The following COL18A1 variants were observed in gnomAD, a reference collection of about 807,000 sequenced individuals.
COL18A1 encodes the protein collagen alpha-1(XVIII) chain.
In COL18A1, 133 loss-of-function variants were observed where a neutral mutation model predicts 168.0. The observed-to-expected ratio is 0.79, with a 90% CI of 0.69 to 0.91. The LOEUF (loss-of-function observed/expected upper bound fraction) is 0.91. Ranked by LOEUF, COL18A1 falls within the 40% of genes least tolerant of loss-of-function variation. The pLI, the probability that COL18A1 is intolerant of heterozygous loss-of-function variation, is 0.00. For synonymous variants in COL18A1, 949 were observed against 809.0 expected (o/e 1.17, Z -2.94); for missense variants, 2,126 against 1,925.4 (o/e 1.10, Z -1.95).
intron 38 of COL18A1, 87 bp from the exon 39 acceptor site, chr21:45,509,269 T>C: frequency 6.6e-7 from 1 of 1,514,908 alleles, no homozygotes; most frequent in Admixed American, 2.0e-5. Context: ...GCCCAGCCCC[T>C]CTCACCCAGC....
At chr21:45,415,150 C>T (rs1242809251) in intron 2 of COL18A1, among the ~76,000 whole-genome samples, 1 of 152,154 alleles carries the variant, frequency 6.6e-6, no homozygotes, top group Admixed American at 6.5e-5. Context: ...TGTTGGTTCA[C>T]CGAAGGGGTG....
Position 45,477,889 on chromosome 21 carries a change from T to C in COL18A1, c.1145T>C (p.Leu382Ser). ...VSPLGPAGPA[L>S]QTVPGPQGPP... ...CCCCTGGGTCCTGCAGGCCCAGCGTTGCAAACTGTCCCCGGACCACAAGGA... is the reference window on the plus strand; with the variant it reads ...CCCCTGGGTCCTGCAGGCCCAGCGTCGCAAACTGTCCCCGGACCACAAGGA... Residue 382 changes from leucine to serine, a missense_variant, in exon 8 of 42, where the codon TTG (leucine) becomes TCG (serine). Leu to Ser is a moderately radical substitution (Grantham distance 145). Coordinates refer to ENST00000651438, the MANE Select transcript of COL18A1 (RefSeq NM_001379500.1). The C allele has an allele frequency of 6.4e-7, 1 of 1,563,288 alleles. No homozygotes were observed. Among genetic ancestry groups the C allele is most frequent in the South Asian group, 1.2e-5 (1 of 84,972 alleles).
At position 45,507,574 on chromosome 21, in the gene COL18A1, C is replaced by T. The variant is rs200839439; in HGVS notation, c.3230C>T (p.Thr1077Ile). Residue 1077 changes from threonine to isoleucine, a missense_variant, in exon 38 of 42, where the codon ACA becomes ATA. Physicochemically the swap from Thr to Ile is moderately conservative, Grantham distance 89. Transcript: ENST00000651438. ...GFRKVQLEAR[T>I]PLPRGTDNEV... ...GCTTTCTTCCAGCTGGAGGCCCGGA[C>T]ACCACTCCCACGAGGGACGGTAAGG... 3.7e-6 allele frequency: 6 copies of T among 1,612,926 alleles called. No homozygotes were observed. Among genetic ancestry groups the T allele is most frequent in the Middle Eastern group, 1.7e-4 (1 of 6,044 alleles).
At chr21:45,482,412 G>T in intron 14 of COL18A1, 1 of 596,408 alleles carries the variant, frequency 1.7e-6, no homozygotes, top group Non-Finnish European at 3.1e-6. Flanking sequence ...CCCCTGGGGA[G>T]CGGTCTCCAG....
At chr21:45,500,219 G>GGA (rs2036702820) in intron 32 of COL18A1, among the ~76,000 whole-genome samples, 1 of 149,784 alleles carries the variant, frequency 6.7e-6, no homozygotes, top group Non-Finnish European at 1.5e-5. Context: ...TGGGTTGGGT[G>GGA]TATAGTGTGG....
chr21:45,437,258 TCACACA>T (rs1217773516), intron 2 of COL18A1, among the ~76,000 whole-genome samples: 1 of 26,688 alleles, frequency 3.7e-5, no homozygotes, highest in Non-Finnish European at 7.2e-5. Context: ...ACACACACAC[TCACACA>T]CTCAGACACA....
Position 45,468,554 on chromosome 21 carries a change from C to G in COL18A1, c.419C>G (p.Thr140Arg). 6.2e-7 allele frequency: 1 copy of G among 1,613,524 alleles called. No homozygotes were observed. The highest frequency in any genetic ancestry group is 8.5e-7 in the Non-Finnish European group (1 of 1,179,968). The change falls in exon 3 of 42, where the codon ACA (threonine) becomes AGA (arginine). Residue 140 changes from threonine to arginine, a missense_variant. Thr to Arg is a moderately conservative substitution (Grantham distance 71). Coordinates refer to ENST00000651438, the MANE Select transcript of COL18A1 (RefSeq NM_001379500.1). ...DGHQDISLLY[T>R]EPGAGQTHTA... is the part of the protein sequence containing the mutation. The stretch of plus-strand genomic sequence containing the variant: ...CACCAGGACATCTCCCTGCTCTACA[C>G]AGAACCAGGTGCAGGCCAGACCCAC...
rs769582552 is a variant in COL18A1 at position 45,498,438 on chromosome 21, C to G, written c.2683+777C>G. 1 of 695,662 alleles carries G rather than the reference C, an allele frequency of 1.4e-6. No individual in the cohort carries two copies. 43.1% of individuals were successfully genotyped at this position (695,662 alleles called of 1,614,324 possible). Reference sequence around the variant, plus strand: ...CCCTCTCGCCGCCACGGTCCCCTCTCGCCGCCAGGGTCCCCTCTCGCCGCC... The same window carrying G: ...CCCTCTCGCCGCCACGGTCCCCTCTGGCCGCCAGGGTCCCCTCTCGCCGCC... On this transcript the variant is annotated intron_variant, in intron 32 of 41. Coordinates refer to ENST00000651438, the MANE Select transcript of COL18A1 (RefSeq NM_001379500.1). This position sits in a 1 kb window ranked among gnomAD's most constrained non-coding sequence, Gnocchi z 4.5.
Position 45,471,137 on chromosome 21 carries a change from T to A in COL18A1, c.651+2351T>A, listed in dbSNP as rs2035415474. ...GGGTGGCGCACTACGGGCCTTGTGC[T>A]GCTGGGCGTGGGTGGCGTGCAGCAG... On this transcript the variant is annotated intron_variant, in intron 3 of 41. Coordinates refer to ENST00000651438, the MANE Select transcript of COL18A1 (RefSeq NM_001379500.1). This position sits in a 1 kb window ranked among gnomAD's most constrained non-coding sequence, Gnocchi z 4.4. Among the ~76,000 whole-genome samples, 1 of 151,678 alleles carries A rather than the reference T, an allele frequency of 6.6e-6. No individual in the cohort carries two copies. The highest frequency in any genetic ancestry group is 2.4e-5 in the African/African-American group (1 of 41,312).
Position 45,489,449 on chromosome 21 carries a change from C to T in COL18A1, c.1924-37C>T. Reference sequence around the variant, plus strand: ...GACGCTGCCTGAGGACTGGGCTGGCCCCAGCAGGTGCTCACGGAGCCCCTT... The same window carrying T: ...GACGCTGCCTGAGGACTGGGCTGGCTCCAGCAGGTGCTCACGGAGCCCCTT... On this transcript the variant is annotated intron_variant, in intron 18 of 41. Coordinates refer to ENST00000651438, the MANE Select transcript of COL18A1 (RefSeq NM_001379500.1). 3.2e-6 allele frequency: 5 copies of T among 1,543,266 alleles called. No individual in the cohort carries two copies. The South Asian group carries it at 5.8e-5, about 18-fold the overall frequency.
At chr21:45,417,097 G>A (rs2033470329) in intron 2 of COL18A1, among the ~76,000 whole-genome samples, 1 of 152,176 alleles carries the variant, frequency 6.6e-6, no homozygotes, top group Non-Finnish European at 1.5e-5. Context: ...TTTTGGTTGT[G>A]GCGGGTTGCT....
At chr21:45,424,213 A>T (rs1383725184) in intron 2 of COL18A1, 1 of 152,118 alleles carries the variant, frequency 6.6e-6, no homozygotes, top group Non-Finnish European at 1.5e-5. Context: ...CAGGTGGAGG[A>T]GGTGGCAGTC....
At chr21:45,488,259 T>C (rs2036184075) in intron 17 of COL18A1, among the ~76,000 whole-genome samples, 159 bp from the exon 18 acceptor site, 1 of 152,274 alleles carries the variant, frequency 6.6e-6, no homozygotes, top group Non-Finnish European at 1.5e-5. Flanking sequence ...ATTGATTCCA[T>C]AGTAAGTTAG....
intron 41 of COL18A1, 86 bp from the exon 42 acceptor site, chr21:45,512,095 GGCCTCCT>G (rs1303882534): frequency 7.2e-7 from 1 of 1,388,700 alleles, no homozygotes; most frequent in Non-Finnish European, 1.0e-6. Context: ...CCCCAGGGCT[GGCCTCCT>G]GCCTCCACCT....
intron 14 of COL18A1, 51 bp from the exon 15 acceptor site, chr21:45,482,744 C>T: frequency 6.2e-7 from 1 of 1,614,146 alleles, no homozygotes; most frequent in Non-Finnish European, 8.5e-7. Context: ...CTTCCTCTGT[C>T]CACTGTGCTG....
chr21:45,476,337 C>G lies in COL18A1; in HGVS notation c.799-14C>G, dbSNP rs747838059. The stretch of plus-strand genomic sequence containing the variant: ...CCGGCCGAATAACAGGCCACCTCCC[C>G]TCTCGTCCTCCAGGGCGCGGCCCTA... On this transcript the variant is annotated splice_polypyrimidine_tract_variant and intron_variant, in intron 5 of 41. Coordinates refer to ENST00000651438, the MANE Select transcript of COL18A1 (RefSeq NM_001379500.1). 1 of 1,613,886 alleles carries G rather than the reference C, an allele frequency of 6.2e-7. No homozygotes were observed. Among genetic ancestry groups the G allele is most frequent in the African/African-American group, 1.3e-5 (1 of 75,070 alleles).
chr21:45,464,938 CCA>C (rs1411236244), intron 2 of COL18A1, among the ~76,000 whole-genome samples: 3 of 152,208 alleles, frequency 2.0e-5, no homozygotes, highest in African/African-American at 4.8e-5. Context: ...GCTCTGCCCA[CCA>C]CAGTTTGTCC....
Position 45,473,926 on chromosome 21 carries a change from AC to A in COL18A1, c.688del (p.Gln230ArgfsTer2). On this transcript the variant is annotated frameshift_variant, in exon 4 of 42. Coordinates refer to ENST00000651438, the MANE Select transcript of COL18A1 (RefSeq NM_001379500.1). LOFTEE classifies it high-confidence loss of function. This position sits in a 1 kb window ranked among gnomAD's most constrained non-coding sequence, Gnocchi z 4.0. ...ATCGCTGAGCTGAAGGTGCGCAGGG[AC>A]CCCCAGGTGAGCCCCATGCACTGCC... ...GVIAELKVRRDPQVSPMHCLD... is the reference protein window; with the variant it reads ...GVIAELKVRRXPQVSPMHCLD... 6.2e-7 allele frequency: 1 copy of A among 1,606,124 alleles called. No homozygotes were observed. The highest frequency in any genetic ancestry group is 8.5e-7 in the Non-Finnish European group (1 of 1,176,516).
chr21:45,480,827 G>A lies in COL18A1; in HGVS notation c.1580G>A (p.Arg527His), dbSNP rs774993784. The A allele has an allele frequency of 5.6e-6, 9 of 1,611,538 alleles. No homozygotes were observed. Among genetic ancestry groups the A allele is most frequent in the African/African-American group, 4.0e-5 (3 of 74,890 alleles). The change falls in exon 13 of 42, where the codon CGC (arginine) becomes CAC (histidine). Residue 527 changes from arginine to histidine, a missense_variant. Physicochemically the swap from Arg to His is conservative, Grantham distance 29. Transcript: ENST00000651438. ...GCCGGCCTTCCTGGTGTGCCTGGGC[G>A]CGAGGGTCCCCCCGGGTTTCCTGGC... ...GPAGLPGVPG[R>H]EGPPGFPGLP...
Sources: gnomAD v4.1 joint callset for allele counts (sites outside exome capture counted in the v4.1 genomes callset) on GRCh38, gnomAD v4.1.1 for gene constraint, Gnocchi (gnomAD v3.1) non-coding constraint, MANE v1.5 for transcripts, NCBI Gene and HGNC (gene_info 2026-07-23, HGNC 2026-07-21) for gene names.